VAV3: variants seen among roughly 807,000 people sequenced by gnomAD.
VAV3 encodes the protein vav guanine nucleotide exchange factor 3.
In VAV3, 94 loss-of-function variants were observed where a neutral mutation model predicts 131.2. That is an observed-to-expected ratio of 0.72 (90% CI 0.61 to 0.85). The LOEUF (loss-of-function observed/expected upper bound fraction) is 0.85. VAV3 is among the 40% of genes least tolerant of loss of function. The probability of loss-of-function intolerance (pLI) is 0.00; values close to 1 mark genes in which losing one functional copy is unlikely to be tolerated. For missense variants in VAV3, 939 were observed against 1,002.7 expected (o/e 0.94, Z 0.86); for synonymous variants, 349 against 342.0 (o/e 1.02, Z -0.22).
chr1:107,924,381 C>T (rs565800406), intron 1 of VAV3, among the ~76,000 whole-genome samples: 1 of 146,306 alleles, frequency 6.8e-6, no homozygotes, highest in Non-Finnish European at 1.5e-5. Context: ...ACCCTCCAGT[C>T]GATATTATGA....
At chr1:107,819,503 TC>T (rs1305518467) in intron 2 of VAV3, among the ~76,000 whole-genome samples, 12 of 141,654 alleles carry the variant, frequency 8.5e-5, no homozygotes, top group African/African-American at 3.1e-4. Flanking sequence ...CAAGACTCTG[TC>T]TCAAAAAAAA....
intron 2 of VAV3, among the ~76,000 whole-genome samples, chr1:107,840,947 A>G (rs1377753870): frequency 6.6e-6 from 1 of 152,124 alleles, no homozygotes; most frequent in African/African-American, 2.4e-5. Context: ...TCATCTGGCA[A>G]TCAAATAGCT....
At chr1:107,787,072 T>C (rs1359160499) in intron 2 of VAV3, among the ~76,000 whole-genome samples, 3 of 152,174 alleles carry the variant, frequency 2.0e-5, no homozygotes, top group African/African-American at 4.8e-5. Flanking sequence ...GGACCATTTA[T>C]GGACTTTCCA....
intron 1 of VAV3, among the ~76,000 whole-genome samples, chr1:107,901,278 A>G (rs1244957717): frequency 6.6e-6 from 1 of 152,220 alleles, no homozygotes; most frequent in African/African-American, 2.4e-5. Flanking sequence ...TGGTTCCTAA[A>G]TTATACACCA....
At chr1:107,940,824 G>A (rs558519746) in intron 1 of VAV3, among the ~76,000 whole-genome samples, 24 of 152,210 alleles carry the variant, frequency 1.6e-4, no homozygotes, top group African/African-American at 5.8e-4. Context: ...GGGGCTTCAG[G>A]GGGAGTTGTT....
chr1:107,865,409 A>G lies in VAV3; in HGVS notation c.321+9492T>C, dbSNP rs553213659. ...AAGCAGTGTGTGTATGAGTGTAATG[A>G]GTGTATGTGATCTTGAATTGAGTCA... On this transcript the variant is annotated intron_variant, in intron 2 of 26. Coordinates refer to ENST00000370056, the MANE Select transcript of VAV3 (RefSeq NM_006113.5). 5.3e-5 allele frequency among the ~76,000 whole-genome samples: 8 copies of G among 152,302 alleles called. No homozygotes were observed. The South Asian group carries it at 1.4e-3, about 28-fold the overall frequency.
intron 2 of VAV3, among the ~76,000 whole-genome samples, chr1:107,834,827 C>T (rs1328708658): frequency 3.3e-5 from 5 of 152,064 alleles, no homozygotes; most frequent in African/African-American, 9.7e-5. Context: ...CCTTGAACAG[C>T]TCCTAAGGAA....
chr1:107,815,789 C>A (rs1046405466), intron 2 of VAV3, among the ~76,000 whole-genome samples: 1 of 152,098 alleles, frequency 6.6e-6, no homozygotes, highest in African/African-American at 2.4e-5. Context: ...CACATATATG[C>A]ACAAATTTTT....
At position 107,771,292 on chromosome 1, in the gene VAV3, G is replaced by A. The variant is rs560652683; in HGVS notation, c.556-564C>T. Among the ~76,000 whole-genome samples the A allele has an allele frequency of 1.6e-3, 239 of 144,872 alleles. 3 individuals are homozygous for A. The highest frequency in any genetic ancestry group is 5.7e-3 in the African/African-American group (221 of 38,850). ...TTTTGAGTCAGAGTCTCGCTCTGTC[G>A]CCCAGGCTGGACAGCAGTGGCGCGA... On this transcript the variant is annotated intron_variant, in intron 5 of 26. Transcript: ENST00000370056.
chr1:107,771,594 T>C (rs554206605), intron 5 of VAV3, among the ~76,000 whole-genome samples: 1 of 152,364 alleles, frequency 6.6e-6, no homozygotes, highest in Admixed American at 6.5e-5. Flanking sequence ...ACTAAATTTC[T>C]CTGACTCAGT....
intron 10 of VAV3, among the ~76,000 whole-genome samples, chr1:107,758,492 A>G (rs1664238446): frequency 6.6e-6 from 1 of 152,156 alleles, no homozygotes; most frequent in African/African-American, 2.4e-5. Context: ...AGACAGCTTG[A>G]GCCCAACTGC....
intron 25 of VAV3, among the ~76,000 whole-genome samples, chr1:107,592,337 G>A (rs1213850023): frequency 6.6e-6 from 1 of 152,046 alleles, no homozygotes; most frequent in Non-Finnish European, 1.5e-5. Flanking sequence ...GTCCTGCTTG[G>A]AGCATTATAT....
chr1:107,884,202 CAAT>C (rs1165004889), intron 1 of VAV3, among the ~76,000 whole-genome samples: 1 of 150,272 alleles, frequency 6.7e-6, no homozygotes, highest in Non-Finnish European at 1.5e-5. Context: ...AGACTATAGT[CAAT>C]AATAATTTAA....
chr1:107,645,703 A>T (rs1174191160), intron 19 of VAV3, among the ~76,000 whole-genome samples: 1 of 152,122 alleles, frequency 6.6e-6, no homozygotes, highest in African/African-American at 2.4e-5. Flanking sequence ...TAAAATTCTT[A>T]ACACAATCTA....
At chr1:107,761,373 A>G (rs1238646880) in intron 9 of VAV3, among the ~76,000 whole-genome samples, 1 of 148,750 alleles carries the variant, frequency 6.7e-6, no homozygotes, top group African/African-American at 2.5e-5. Flanking sequence ...AGCCTGGGTG[A>G]CAGAGTGAGA....
At chr1:107,870,909 G>A (rs1221295704) in intron 2 of VAV3, among the ~76,000 whole-genome samples, 1 of 152,166 alleles carries the variant, frequency 6.6e-6, no homozygotes, top group Non-Finnish European at 1.5e-5. Flanking sequence ...GTAAGGAGAT[G>A]ACTTTAGTCA....
intron 2 of VAV3, among the ~76,000 whole-genome samples, chr1:107,800,442 T>C (rs570172588): frequency 6.6e-6 from 1 of 152,274 alleles, no homozygotes; most frequent in East Asian, 1.9e-4. Context: ...TCTGTGATTA[T>C]TAGTGATGCT....
intron 2 of VAV3, among the ~76,000 whole-genome samples, chr1:107,844,977 A>G (rs1319451266): frequency 1.3e-5 from 2 of 152,128 alleles, no homozygotes; most frequent in African/African-American, 4.8e-5. Context: ...CTGCCTCCTC[A>G]AGTGGGTCCC....
At chr1:107,830,192 A>G (rs1668189965) in intron 2 of VAV3, among the ~76,000 whole-genome samples, 1 of 152,030 alleles carries the variant, frequency 6.6e-6, no homozygotes, top group Non-Finnish European at 1.5e-5. Flanking sequence ...TTAGTGAATA[A>G]GACATAATTA....
Sources: allele counts gnomAD v4.1 joint callset (sites outside exome capture counted in the v4.1 genomes callset), GRCh38; gene constraint gnomAD v4.1.1; transcripts MANE v1.5; gene names NCBI Gene and HGNC (gene_info 2026-07-23, HGNC 2026-07-21).